DOCK10: variants seen among roughly 807,000 people sequenced by gnomAD.
DOCK10 encodes dedicator of cytokinesis protein 10.
In DOCK10, 145 loss-of-function variants were observed where a neutral mutation model predicts 280.1. The ratio of observed to expected loss-of-function variants is 0.52; its 90% confidence interval spans 0.45 to 0.59. The LOEUF (loss-of-function observed/expected upper bound fraction) is 0.59. Among genes scored for constraint, DOCK10 ranks in the 20% least tolerant of loss-of-function variants. DOCK10 has a pLI of 0.00. For missense variants in DOCK10, 2,368 were observed against 2,651.7 expected (o/e 0.89, Z 2.35); for synonymous variants, 915 against 942.2 (o/e 0.97, Z 0.53).
chr2:224,923,080 T>C (rs1052265685), intron 2 of DOCK10, among the ~76,000 whole-genome samples: 1 of 152,252 alleles, frequency 6.6e-6, no homozygotes, highest in Non-Finnish European at 1.5e-5. Flanking sequence ...GTTGTGATTT[T>C]ATTTTACTTA....
chr2:224,797,647 G>A (rs996588534), intron 42 of DOCK10, among the ~76,000 whole-genome samples, 185 bp downstream of exon 42: 1 of 152,166 alleles, frequency 6.6e-6, no homozygotes, highest in Non-Finnish European at 1.5e-5. Flanking sequence ...TGGTATTTGA[G>A]CAGACAGATT....
At chr2:224,873,594 CAAAAAAAAAAAAAAAA>C (rs35401247) in intron 11 of DOCK10, among the ~76,000 whole-genome samples, 1 of 33,656 alleles carries the variant, frequency 3.0e-5, no homozygotes, top group Non-Finnish European at 5.6e-5. Context: ...AAGACCATCT[CAAAAAAAAAAAAAAAA>C]AAAAAAAAAG....
At position 224,845,551 on chromosome 2, in the gene DOCK10, T is replaced by C. The variant is rs771801314; in HGVS notation, c.2327A>G (p.Asn776Ser). ...TTCCAGAGCCTCCTTCTTTTTGGCA[T>C]TAGCTTTTGCATTGATGTCACAGGT... is the stretch of plus-strand genomic sequence containing the variant. ...HVTCDINAKA[N>S]AKKKEALETS... The change falls in exon 20 of 56, where the codon AAT becomes AGT. Residue 776 changes from asparagine (N) to serine (S), a missense_variant. Physicochemically the swap from Asn to Ser is conservative, Grantham distance 46 (BLOSUM62 1). This residue lies in a region of DOCK10 where 1,209 missense variants were observed against 1,250.9 expected (regional missense o/e 0.97). Transcript: ENST00000258390. The C allele has an allele frequency of 6.2e-7, 1 of 1,613,134 alleles. No homozygotes were observed. Among genetic ancestry groups the C allele is most frequent in the African/African-American group, 1.3e-5 (1 of 74,902 alleles).
chr2:224,840,757 C>T (rs1317892651), intron 23 of DOCK10, among the ~76,000 whole-genome samples: 1 of 152,212 alleles, frequency 6.6e-6, no homozygotes, highest in Non-Finnish European at 1.5e-5. Context: ...AATCCCACTA[C>T]TGGATGTATA....
At chr2:225,035,565 T>TG (rs1201145441) in intron 1 of DOCK10, among the ~76,000 whole-genome samples, 8 of 54,872 alleles carry the variant, frequency 1.5e-4, no homozygotes, top group African/African-American at 3.8e-4. Context: ...TATATATATA[T>TG]ATATATATAT....
At position 224,862,718 on chromosome 2, in the gene DOCK10, C is replaced by T. The variant is rs778254780; in HGVS notation, c.1631G>A (p.Arg544Lys). ...KYAQKILKSNRQFCSKLGKYR... is the reference protein window; with the variant it reads ...KYAQKILKSNKQFCSKLGKYR... ...TTTTCCCAATTTGCTGCAGAATTGT[C>T]TGTTGGATTTTAGTATCTTTTGTGC... Residue 544 changes from arginine to lysine, a missense_variant, in exon 14 of 56, where the codon AGA becomes AAA. Physicochemically the swap from Arg to Lys is conservative, Grantham distance 26. This residue lies in a region of DOCK10 where 1,209 missense variants were observed against 1,250.9 expected (regional missense o/e 0.97). Coordinates refer to ENST00000258390, the MANE Select transcript of DOCK10 (RefSeq NM_014689.3). The T allele has an allele frequency of 1.7e-5, 28 of 1,609,766 alleles. No individual in the cohort carries two copies. Among genetic ancestry groups the T allele is most frequent in the Non-Finnish European group, 2.0e-5 (24 of 1,177,896 alleles).
intron 4 of DOCK10, among the ~76,000 whole-genome samples, chr2:224,890,598 G>A (rs1699600057): frequency 6.6e-6 from 1 of 152,206 alleles, no homozygotes; most frequent in African/African-American, 2.4e-5. Flanking sequence ...ACACAGGAAT[G>A]TTACTCAGAA....
At chr2:224,983,151 T>C (rs954090847) in intron 1 of DOCK10, among the ~76,000 whole-genome samples, 1 of 152,202 alleles carries the variant, frequency 6.6e-6, no homozygotes, top group Admixed American at 6.5e-5. Context: ...GCTGACCTCT[T>C]AGAAAAAGCA....
chr2:224,951,924 A>G (rs1306347123), intron 1 of DOCK10, among the ~76,000 whole-genome samples: 1 of 152,200 alleles, frequency 6.6e-6, no homozygotes, highest in Non-Finnish European at 1.5e-5. Context: ...CCCCTGACTC[A>G]AGGACCCTTT....
intron 1 of DOCK10, among the ~76,000 whole-genome samples, chr2:224,943,832 C>T (rs190210938): frequency 2.1e-5 from 3 of 146,272 alleles, no homozygotes; most frequent in South Asian, 2.2e-4. Context: ...GGCACGATCT[C>T]GGCTCACTGC....
At chr2:224,901,800 C>A (rs1158839209) in intron 3 of DOCK10, among the ~76,000 whole-genome samples, 1 of 152,230 alleles carries the variant, frequency 6.6e-6, no homozygotes, top group Non-Finnish European at 1.5e-5. Context: ...TAATGTGGTC[C>A]AGTCCTTGTC....
At chr2:224,814,787 G>A (rs1694016825) in intron 30 of DOCK10, among the ~76,000 whole-genome samples, 1 of 152,194 alleles carries the variant, frequency 6.6e-6, no homozygotes, top group Non-Finnish European at 1.5e-5. Context: ...CTCCCAAAGT[G>A]CTGGGATTAC....
chr2:225,009,172 G>C (rs950804453), intron 1 of DOCK10, among the ~76,000 whole-genome samples: 7 of 152,090 alleles, frequency 4.6e-5, no homozygotes, highest in African/African-American at 1.7e-4. Context: ...CCTAAGTAAG[G>C]GGGTCACAGA....
chr2:225,017,551 T>C (rs987797219), intron 1 of DOCK10, among the ~76,000 whole-genome samples: 1 of 152,070 alleles, frequency 6.6e-6, no homozygotes, highest in Non-Finnish European at 1.5e-5. Flanking sequence ...GCATCTAAGA[T>C]AATTTTTCAA....
At chr2:224,967,819 T>TA (rs1446738537) in intron 1 of DOCK10, among the ~76,000 whole-genome samples, 2 of 152,206 alleles carry the variant, frequency 1.3e-5, no homozygotes, top group South Asian at 2.1e-4. Flanking sequence ...GAAGAAGTTT[T>TA]AAAAAAATGA....
At chr2:224,856,213 A>G (rs1247963720) in intron 15 of DOCK10, among the ~76,000 whole-genome samples, 2 of 152,232 alleles carry the variant, frequency 1.3e-5, no homozygotes, top group African/African-American at 4.8e-5. Flanking sequence ...TCAGCGTTGC[A>G]TTGTGTATTC....
At chr2:224,995,356 A>G (rs952205068) in intron 1 of DOCK10, among the ~76,000 whole-genome samples, 1 of 152,240 alleles carries the variant, frequency 6.6e-6, no homozygotes, top group Non-Finnish European at 1.5e-5. Context: ...CTCACTGTAG[A>G]CACCCACTGC....
intron 7 of DOCK10, among the ~76,000 whole-genome samples, chr2:224,883,099 T>C (rs1022999734): frequency 3.3e-5 from 5 of 152,204 alleles, no homozygotes; most frequent in Non-Finnish European, 7.4e-5. Context: ...AAATCTACCT[T>C]GGGGAATATT....
At chr2:224,982,696 C>A (rs563187795) in intron 1 of DOCK10, among the ~76,000 whole-genome samples, 1 of 152,288 alleles carries the variant, frequency 6.6e-6, no homozygotes, top group South Asian at 2.1e-4. Flanking sequence ...TATGTCTTTC[C>A]CATTCAGACA....
Sources: allele counts gnomAD v4.1 joint callset (sites outside exome capture counted in the v4.1 genomes callset), GRCh38; gene constraint gnomAD v4.1.1; regional missense constraint gnomAD v4.1.1; transcripts MANE v1.5; gene names NCBI Gene and HGNC (gene_info 2026-07-23, HGNC 2026-07-21).